The following PCDH15 variants were observed in gnomAD, a reference collection of about 807,000 sequenced individuals.
PCDH15 encodes protocadherin related 15.
PCDH15 carries 129 observed loss-of-function variants against 178.5 expected under a neutral mutation model. That is an observed-to-expected ratio of 0.72 (90% CI 0.63 to 0.84). The LOEUF (loss-of-function observed/expected upper bound fraction) is 0.84. Ranked by LOEUF, PCDH15 falls within the 40% of genes least tolerant of loss-of-function variation. The pLI is 0.00. For missense variants in PCDH15, 2,230 were observed against 2,099.9 expected, an observed-to-expected ratio of 1.06 and a Z score of -1.21; for synonymous variants, 800 against 732.0, an observed-to-expected ratio of 1.09 and a Z score of -1.50.
intron 2 of PCDH15, among the ~76,000 whole-genome samples, chr10:54,538,584 C>T (rs939064832): frequency 4.1e-4 from 63 of 152,032 alleles, no homozygotes; most frequent in African/African-American, 1.5e-3. Context: ...GAACTTGTGT[C>T]CCCATCCAAA....
At chr10:55,559,219 A>G (rs1842146751) in intron 2 of PCDH15, among the ~76,000 whole-genome samples, 1 of 152,054 alleles carries the variant, frequency 6.6e-6, no homozygotes, top group South Asian at 2.1e-4. Context: ...GTATACCAAT[A>G]TAGTCGATGG....
At chr10:54,151,871 A>C (rs970170332) in intron 14 of PCDH15, among the ~76,000 whole-genome samples, 6 of 152,180 alleles carry the variant, frequency 3.9e-5, no homozygotes, top group African/African-American at 7.2e-5. Context: ...TGGAGGGAAA[A>C]CAGCATTGAG....
At chr10:55,205,586 A>T (rs1840374866) in intron 1 of PCDH15, among the ~76,000 whole-genome samples, 1 of 152,064 alleles carries the variant, frequency 6.6e-6, no homozygotes, top group Non-Finnish European at 1.5e-5. Flanking sequence ...CAAAATTTTA[A>T]ACATATTTTT....
At position 53,961,782 on chromosome 10, in the gene PCDH15, A is replaced by G. The variant is rs1244022175; in HGVS notation, c.2979T>C (p.Asn993=). 1.2e-6 allele frequency: 2 copies of G among 1,609,752 alleles called. No individual in the cohort carries two copies. The highest frequency in any genetic ancestry group is 4.5e-5 in the East Asian group (2 of 44,602). ...EDSGRVITRV[N]LNEEPTTIFK... The stretch of plus-strand genomic sequence containing the variant: ...AAATTGTTGTAGGTTCTTCATTAAG[A>G]TTGACTCGTGTTATTACTCTTCCAG... The change falls in exon 22 of 38, where the codon AAT becomes AAC. Residue 993 remains asparagine, a synonymous_variant. Transcript: ENST00000644397.
chr10:53,881,114 G>C (rs1167042867), intron 26 of PCDH15, among the ~76,000 whole-genome samples: 2 of 152,130 alleles, frequency 1.3e-5, no homozygotes, highest in African/African-American at 4.8e-5. Context: ...TTACAAGTTT[G>C]CTAAAAAGAA....
At chr10:54,914,206 T>G (rs1954864960) in intron 2 of PCDH15, among the ~76,000 whole-genome samples, 1 of 152,074 alleles carries the variant, frequency 6.6e-6, no homozygotes, top group African/African-American at 2.4e-5. Context: ...AGGAGGGGCA[T>G]GGTGGGAAGT....
intron 2 of PCDH15, among the ~76,000 whole-genome samples, chr10:55,006,674 C>T (rs1007943609): frequency 6.6e-6 from 1 of 152,142 alleles, no homozygotes; most frequent in African/African-American, 2.4e-5. Flanking sequence ...CCTGCAAAGC[C>T]GCAGGCTGGG....
At chr10:53,950,160 T>C (rs2086899635) in intron 23 of PCDH15, among the ~76,000 whole-genome samples, 1 of 152,016 alleles carries the variant, frequency 6.6e-6, no homozygotes, top group Non-Finnish European at 1.5e-5. Flanking sequence ...TATAATATTC[T>C]GATTTTGAAT....
rs1408885071 is a variant in PCDH15 at position 54,173,985 on chromosome 10, A to T, written c.1590+9459T>A. Among the ~76,000 whole-genome samples, 5 of 152,336 alleles carry T rather than the reference A, an allele frequency of 3.3e-5. No homozygotes were observed. The East Asian group carries it at 5.8e-4, about 18-fold the overall frequency. On this transcript the variant is annotated intron_variant, in intron 13 of 37. Transcript: ENST00000644397. ...TATCTCATCACTGTGGGAGCATCATAACAAATAAGAGAAAGATAAAATGCT... is the reference window on the plus strand; with the variant it reads ...TATCTCATCACTGTGGGAGCATCATTACAAATAAGAGAAAGATAAAATGCT...
intron 1 of PCDH15, among the ~76,000 whole-genome samples, chr10:55,224,694 T>C (rs961594935): frequency 3.3e-5 from 5 of 152,100 alleles, no homozygotes; most frequent in African/African-American, 1.2e-4. Flanking sequence ...TGAATAAGTG[T>C]TGTTCTTTTG....
chr10:54,416,301 ATG>A (rs1460076518), intron 3 of PCDH15, among the ~76,000 whole-genome samples: 1 of 151,766 alleles, frequency 6.6e-6, no homozygotes, highest in Admixed American at 6.6e-5. Flanking sequence ...AAAGGCCCTG[ATG>A]TGTGTTGTTC....
chr10:55,278,585 T>G (rs1842652644), intron 1 of PCDH15, among the ~76,000 whole-genome samples: 1 of 152,198 alleles, frequency 6.6e-6, no homozygotes, highest in Non-Finnish European at 1.5e-5. Flanking sequence ...ATGATCAGTT[T>G]TATCCATATC....
At chr10:55,239,745 A>G (rs891091771) in intron 1 of PCDH15, among the ~76,000 whole-genome samples, 1 of 152,160 alleles carries the variant, frequency 6.6e-6, no homozygotes, top group African/African-American at 2.4e-5. Context: ...CAAAGTGAGG[A>G]GACAACGCCT....
intron 9 of PCDH15, among the ~76,000 whole-genome samples, chr10:54,216,893 A>G (rs1371251454): frequency 6.6e-6 from 1 of 152,214 alleles, no homozygotes; most frequent in Non-Finnish European, 1.5e-5. Context: ...AGCAGATGAT[A>G]ATTCAAATGT....
chr10:55,438,678 G>T (rs1008182241), intron 2 of PCDH15, among the ~76,000 whole-genome samples: 3 of 151,586 alleles, frequency 2.0e-5, no homozygotes, highest in African/African-American at 7.3e-5. Flanking sequence ...TATAGAAAGA[G>T]AAACGGAAAA....
intron 26 of PCDH15, among the ~76,000 whole-genome samples, chr10:53,894,584 A>T (rs142587165): frequency 1.3e-4 from 20 of 152,254 alleles, no homozygotes; most frequent in African/African-American, 4.8e-4. Context: ...TCACAAAATA[A>T]CTCACTAGCT....
chr10:53,992,472 A>C (rs1204730963), intron 21 of PCDH15, among the ~76,000 whole-genome samples: 1 of 152,196 alleles, frequency 6.6e-6, no homozygotes, highest in Non-Finnish European at 1.5e-5. Flanking sequence ...GGAATGGTAC[A>C]AATAATGCTT....
chr10:54,543,726 C>T (rs750944904), intron 2 of PCDH15, among the ~76,000 whole-genome samples: 5 of 152,090 alleles, frequency 3.3e-5, no homozygotes, highest in South Asian at 2.1e-4. Context: ...GCTCTAGAAA[C>T]GTAATTTTCT....
intron 28 of PCDH15, among the ~76,000 whole-genome samples, chr10:53,851,673 TA>T (rs2078369954): frequency 1.8e-4 from 1 of 5,670 alleles, no homozygotes; most frequent in Non-Finnish European, 2.7e-4. Context: ...CTCCTAGAAA[TA>T]TATATATATA....
Sources: allele counts gnomAD v4.1 joint callset (sites outside exome capture counted in the v4.1 genomes callset), GRCh38; gene constraint gnomAD v4.1.1; transcripts MANE v1.5; gene names NCBI Gene and HGNC (gene_info 2026-07-23, HGNC 2026-07-21).